MBTD1: variants seen among roughly 807,000 people sequenced by gnomAD.
MBTD1 encodes the protein MBT domain-containing protein 1.
Under a neutral mutation model 87.8 loss-of-function variants are expected in MBTD1, and 24 were observed. That is an observed-to-expected ratio of 0.27 (90% CI 0.20 to 0.38). MBTD1 has a LOEUF of 0.38. Ranked by LOEUF, MBTD1 falls within the 10% of genes least tolerant of loss-of-function variation. The pLI is 1.00. For missense variants in MBTD1, 436 were observed against 760.2 expected, an observed-to-expected ratio of 0.57 and a Z score of 5.02; for synonymous variants, 237 against 248.6, an observed-to-expected ratio of 0.95 and a Z score of 0.44.
intron 16 of MBTD1, among the ~76,000 whole-genome samples, chr17:51,181,546 C>A (rs925819217): frequency 4.6e-5 from 7 of 152,156 alleles, no homozygotes; most frequent in Admixed American, 2.6e-4. Flanking sequence ...GTAGTCCCAG[C>A]TACTCATGAC....
chr17:51,243,273 A>G (rs2054254047), intron 2 of MBTD1, among the ~76,000 whole-genome samples: 1 of 149,464 alleles, frequency 6.7e-6, no homozygotes, highest in African/African-American at 2.4e-5. Flanking sequence ...ATGGTATGCC[A>G]GTATAGTTGT....
At chr17:51,252,002 TG>T (rs1388273447) in intron 2 of MBTD1, among the ~76,000 whole-genome samples, 21 of 152,328 alleles carry the variant, frequency 1.4e-4, no homozygotes, top group African/African-American at 5.1e-4. Flanking sequence ...TGGCCTCAAG[TG>T]ATTGGCCCAC....
At chr17:51,207,177 G>C (rs1360500619) in intron 6 of MBTD1, among the ~76,000 whole-genome samples, 172 bp from the exon 7 acceptor site, 2 of 152,114 alleles carry the variant, frequency 1.3e-5, no homozygotes, top group Non-Finnish European at 2.9e-5. Flanking sequence ...GGACAAACAA[G>C]ATAAAGAGAA....
intron 3 of MBTD1, among the ~76,000 whole-genome samples, chr17:51,220,778 A>G (rs995166515): frequency 6.6e-6 from 1 of 152,236 alleles, no homozygotes; most frequent in Non-Finnish European, 1.5e-5. Context: ...ACCATGTGCC[A>G]GGCATTTTCA....
intron 2 of MBTD1, chr17:51,250,344 C>T (rs1328361693): frequency 6.6e-6 from 1 of 152,158 alleles, no homozygotes; most frequent in Admixed American, 6.5e-5. Context: ...ATCTGAAATA[C>T]TTATTGTCAC....
intron 16 of MBTD1, among the ~76,000 whole-genome samples, chr17:51,182,579 C>A (rs9895070): frequency 0.041 from 6,231 of 152,210 alleles, 432 homozygotes; most frequent in African/African-American, 0.14. Context: ...CTACTTACTA[C>A]CCCCTGAATC....
intron 6 of MBTD1, among the ~76,000 whole-genome samples, chr17:51,215,926 A>AG (rs2052540132): frequency 7.9e-6 from 1 of 126,970 alleles, no homozygotes; most frequent in African/African-American, 3.1e-5. Context: ...ATAAAGCCCT[A>AG]ATTTTTTTTT....
chr17:51,257,418 C>T (rs1377727902), intron 2 of MBTD1, among the ~76,000 whole-genome samples: 1 of 152,128 alleles, frequency 6.6e-6, no homozygotes, highest in Non-Finnish European at 1.5e-5. Flanking sequence ...TAGTATTTAT[C>T]CTAATATGTT....
intron 6 of MBTD1, among the ~76,000 whole-genome samples, chr17:51,209,664 C>T (rs1203283467): frequency 1.3e-5 from 2 of 152,204 alleles, no homozygotes; most frequent in South Asian, 2.1e-4. Flanking sequence ...GGCAGAGATA[C>T]AGATTTCCCT....
chr17:51,219,770 C>G (rs1313904285), intron 4 of MBTD1, among the ~76,000 whole-genome samples: 1 of 152,136 alleles, frequency 6.6e-6, no homozygotes, highest in African/African-American at 2.4e-5. Context: ...ATAGTAAGAA[C>G]TTAGTCAAAT....
At chr17:51,222,712 T>A (rs7212007) in intron 3 of MBTD1, among the ~76,000 whole-genome samples, 1 of 151,910 alleles carries the variant, frequency 6.6e-6, no homozygotes, top group Admixed American at 6.6e-5. Context: ...CCCAGGTAGG[T>A]TTTAACTGGA....
intron 16 of MBTD1, chr17:51,183,166 CTTTTTTTTT>C (rs68187851): frequency 8.9e-6 from 1 of 112,338 alleles, no homozygotes; most frequent in African/African-American, 3.6e-5. Context: ...AAAGAATAAT[CTTTTTTTTT>C]TTTTTTTTTT....
chr17:51,242,003 C>T (rs1166417441), intron 2 of MBTD1, among the ~76,000 whole-genome samples: 1 of 152,166 alleles, frequency 6.6e-6, no homozygotes, highest in Non-Finnish European at 1.5e-5. Context: ...CTGAGCATTT[C>T]CTTACTTTCT....
chr17:51,205,826 T>C (rs2051789374), intron 7 of MBTD1, among the ~76,000 whole-genome samples: 1 of 152,202 alleles, frequency 6.6e-6, no homozygotes, highest in Admixed American at 6.5e-5. Context: ...AAATAATTTT[T>C]AGGTAAATTA....
intron 16 of MBTD1, among the ~76,000 whole-genome samples, chr17:51,182,631 C>A (rs1046098450): frequency 6.6e-6 from 1 of 152,158 alleles, no homozygotes; most frequent in Non-Finnish European, 1.5e-5. Flanking sequence ...GCTCACTGCC[C>A]AGGTTGCCCA....
chr17:51,232,744 G>A (rs2053612252), intron 2 of MBTD1, among the ~76,000 whole-genome samples: 1 of 152,000 alleles, frequency 6.6e-6, no homozygotes. Context: ...GCAGAAATGA[G>A]AACATGAATT....
At chr17:51,260,926 G>T (rs574821112), upstream of MBTD1, 124 of 1,554,156 alleles carry the variant, frequency 8.0e-5, 1 homozygote, top group South Asian at 1.4e-3. Context: ...GAGGCCCGAG[G>T]GTGAGGGAGG....
chr17:51,204,387 G>A (rs1284502709), intron 7 of MBTD1, among the ~76,000 whole-genome samples: 1 of 139,522 alleles, frequency 7.2e-6, no homozygotes, highest in East Asian at 2.0e-4. Context: ...CTCCTAAGTA[G>A]CTGGGATTAT....
upstream of MBTD1, chr17:51,260,715 C>T (rs2055430860): frequency 3.1e-6 from 5 of 1,600,154 alleles, no homozygotes; most frequent in Non-Finnish European, 4.3e-6. Context: ...AAGCCTGCCC[C>T]TTCATCCCAG....
Sources: gnomAD v4.1 joint callset for allele counts (sites outside exome capture counted in the v4.1 genomes callset) on GRCh38, gnomAD v4.1.1 for gene constraint, MANE v1.5 for transcripts, NCBI Gene and HGNC (gene_info 2026-07-23, HGNC 2026-07-21) for gene names.